LDLRAD1: variants seen among roughly 807,000 people sequenced by gnomAD.
The protein encoded by LDLRAD1 is low density lipoprotein receptor class A domain containing 1.
LDLRAD1 carries 17 observed loss-of-function variants against 24.8 expected under a neutral mutation model. That is an observed-to-expected ratio of 0.69 (90% CI 0.47 to 1.03). The LOEUF (loss-of-function observed/expected upper bound fraction) is 1.03, where lower values mean the gene tolerates loss of function less well. Among genes scored for constraint, LDLRAD1 ranks in the 50% least tolerant of loss-of-function variants. The pLI is 0.00. For missense variants in LDLRAD1, 277 were observed against 271.0 expected, an observed-to-expected ratio of 1.02 and a Z score of -0.16; for synonymous variants, 103 against 108.2, an observed-to-expected ratio of 0.95 and a Z score of 0.30.
At chr1:54,010,633 C>T (rs940388236) in intron 4 of LDLRAD1, among the ~76,000 whole-genome samples, 4 of 152,086 alleles carry the variant, frequency 2.6e-5, no homozygotes, top group Non-Finnish European at 5.9e-5. Flanking sequence ...CCCTCCCTTC[C>T]TCAGTTCCTC....
chr1:54,015,776 C>T lies in LDLRAD1; in HGVS notation c.74-1412G>A, dbSNP rs938860155. On this transcript the variant is annotated intron_variant, in intron 2 of 5. Coordinates refer to ENST00000371360, the MANE Select transcript of LDLRAD1 (RefSeq NM_001010978.4). ...GTTCAAGCGATTCTCCTGCCTCAGC[C>T]TCCCGAGTAGCTGGGATGACAGGCG... Among the ~76,000 whole-genome samples, 6 of 152,086 alleles carry T rather than the reference C, an allele frequency of 3.9e-5. No individual in the cohort carries two copies. The South Asian group carries it at 6.2e-4, about 16-fold the overall frequency.
intron 4 of LDLRAD1, among the ~76,000 whole-genome samples, chr1:54,011,532 C>T (rs1479523488): frequency 6.6e-6 from 1 of 152,120 alleles, no homozygotes; most frequent in Non-Finnish European, 1.5e-5. Context: ...AGCTCCCCCA[C>T]CCCACCCACT....
chr1:54,014,337 C>A lies in LDLRAD1; in HGVS notation c.101G>T (p.Arg34Leu). ...EAGGGHLCCS[R>L]RGACLSASLL... ...AGAGGCAGAGAGGCAGGCCCCGCGA[C>A]GTGAGCAGCAGAGGTGGCCGCCGCC... The change falls in exon 3 of 6, where the codon CGT (arginine) becomes CTT (leucine). Residue 34 changes from arginine (R) to leucine (L), a missense_variant. Transcript: ENST00000371360. 1.9e-6 allele frequency: 3 copies of A among 1,548,498 alleles called. No individual in the cohort carries two copies. The highest frequency in any genetic ancestry group is 2.4e-5 in the South Asian group (2 of 83,946).
At chr1:54,017,847 A>C (rs1656377446) in intron 1 of LDLRAD1, among the ~76,000 whole-genome samples, 1 of 152,004 alleles carries the variant, frequency 6.6e-6, no homozygotes, top group Non-Finnish European at 1.5e-5. Context: ...CCTGGGAGTG[A>C]GCCCCGGGGC....
rs138648833 is a variant in LDLRAD1 at position 54,012,523 on chromosome 1, G to A, written c.203-243C>T. Among the ~76,000 whole-genome samples the A allele has an allele frequency of 6.1e-4, 93 of 152,298 alleles. 1 individual carries two copies. The highest frequency in any genetic ancestry group is 9.9e-4 in the Non-Finnish European group (67 of 68,010). On this transcript the variant is annotated intron_variant, in intron 3 of 5. Coordinates refer to ENST00000371360, the MANE Select transcript of LDLRAD1 (RefSeq NM_001010978.4). ...ACATGGGAATCATAGCACACACCCC[G>A]TGGGACTGTTGTGGGGATTAAATGA...
intron 3 of LDLRAD1, among the ~76,000 whole-genome samples, chr1:54,013,335 C>T (rs1656142716): frequency 6.6e-6 from 1 of 152,144 alleles, no homozygotes; most frequent in Non-Finnish European, 1.5e-5. Context: ...TGTGTTCCTG[C>T]AGGGCAGGGG....
At chr1:54,013,740 T>C (rs1195163907) in intron 3 of LDLRAD1, among the ~76,000 whole-genome samples, 1 of 152,152 alleles carries the variant, frequency 6.6e-6, no homozygotes, top group Admixed American at 6.5e-5. Context: ...CCCGCTGTAA[T>C]GTGTATTCAC....
chr1:54,016,111 G>A (rs1656294204), intron 2 of LDLRAD1, among the ~76,000 whole-genome samples: 1 of 152,174 alleles, frequency 6.6e-6, no homozygotes, highest in Non-Finnish European at 1.5e-5. Flanking sequence ...CAGGTAAGGG[G>A]AGGGTGCAAA....
chr1:54,014,704 G>A (rs550012057), intron 2 of LDLRAD1, among the ~76,000 whole-genome samples: 2 of 152,016 alleles, frequency 1.3e-5, no homozygotes, highest in South Asian at 4.2e-4. Context: ...TGGGGCAGAA[G>A]CTCCATTAGG....
rs1557660482 is a variant in LDLRAD1 at position 54,009,054 on chromosome 1, CG to C, written c.545del (p.Pro182ArgfsTer40). Reference protein sequence around the residue: ...STFFKYCDCIPRHLCRDHVQH... With the variant: ...STFFKYCDCIXRHLCRDHVQH... ...GTACATGGTCGCGGCAGAGATGCCTCGGTATACAGTCGCAGTACTTGAAGAA... is the reference window on the plus strand; with the variant it reads ...GTACATGGTCGCGGCAGAGATGCCTCGTATACAGTCGCAGTACTTGAAGAA... On this transcript the variant is annotated frameshift_variant, in exon 6 of 6. Transcript: ENST00000371360. LOFTEE classifies it high-confidence loss of function. The C allele has an allele frequency of 6.2e-7, 1 of 1,613,956 alleles. No homozygotes were observed. Among genetic ancestry groups the C allele is most frequent in the South Asian group, 1.1e-5 (1 of 91,068 alleles).
chr1:54,009,093 G>A lies in LDLRAD1; in HGVS notation c.507C>T (p.Arg169=), dbSNP rs1304175759. Residue 169 remains arginine, a synonymous_variant, in exon 6 of 6, where the codon CGC becomes CGT. Transcript: ENST00000371360. ...AGTACTTGAAGAAGGTTGAAGGACA[G>A]CGCCACCACCCAGGGCCGCAGGGTG... ...VCPPCGPGWW[R]CPSTFFKYCD... 1.2e-6 allele frequency: 2 copies of A among 1,613,870 alleles called. No individual in the cohort carries two copies. The highest frequency in any genetic ancestry group is 1.7e-6 in the Non-Finnish European group (2 of 1,179,980).
intron 1 of LDLRAD1, 63 bp downstream of exon 1, chr1:54,018,029 G>T (rs897233248): frequency 2.1e-6 from 3 of 1,422,288 alleles, no homozygotes; most frequent in East Asian, 4.6e-5. Flanking sequence ...CTCACCTGGG[G>T]ACAGCTCTCA....
chr1:54,014,714 G>A (rs936274214), intron 2 of LDLRAD1, among the ~76,000 whole-genome samples: 11 of 152,218 alleles, frequency 7.2e-5, no homozygotes, highest in African/African-American at 1.4e-4. Flanking sequence ...GCTCCATTAG[G>A]CCCTTCATAA....
In LDLRAD1 at chr1:54,008,772, C is replaced by T; in HGVS notation, c.*210G>A. On this transcript the variant is annotated 3_prime_UTR_variant, in exon 6 of 6. Coordinates refer to ENST00000371360, the MANE Select transcript of LDLRAD1 (RefSeq NM_001010978.4). ...ACCACATCATCTTTGTTAGAAGCCA[C>T]CTAACATGGTAATGAGCTCCTGGTC... is the stretch of plus-strand genomic sequence containing the variant. 1 of 505,866 alleles carries T rather than the reference C, an allele frequency of 2.0e-6. No individual in the cohort carries two copies. Among genetic ancestry groups the T allele is most frequent in the South Asian group, 2.9e-5 (1 of 34,348 alleles). 31.3% of individuals were successfully genotyped at this position (505,866 alleles called of 1,614,324 possible).
At chr1:54,009,397 G>A (rs1003074824) in intron 5 of LDLRAD1, among the ~76,000 whole-genome samples, 3 of 152,272 alleles carry the variant, frequency 2.0e-5, no homozygotes, top group African/African-American at 7.2e-5. Flanking sequence ...CAAAGTCCCA[G>A]GCACACGGTA....
intron 4 of LDLRAD1, among the ~76,000 whole-genome samples, chr1:54,011,233 C>CA (rs1656036603): frequency 6.6e-6 from 1 of 152,162 alleles, no homozygotes; most frequent in Non-Finnish European, 1.5e-5. Context: ...GCACCACCAT[C>CA]ATGGCAGAAA....
chr1:54,014,166 C>G, intron 3 of LDLRAD1, 70 bp downstream of exon 3: 1 of 1,529,172 alleles, frequency 6.5e-7, no homozygotes, highest in Admixed American at 2.0e-5. Context: ...GGTCGGGGCT[C>G]CCTCATCTCT....
chr1:54,008,900 T>TATCAGTAAAAAA lies in LDLRAD1; in HGVS notation c.*81_*82insTTTTTTACTGAT. 8.4e-7 allele frequency: 1 copy of TATCAGTAAAAAA among 1,191,230 alleles called. No homozygotes were observed. Among genetic ancestry groups the TATCAGTAAAAAA allele is most frequent in the Non-Finnish European group, 1.1e-6 (1 of 892,126 alleles). The allele number at this position is 1,191,230 out of a possible 1,614,324, so 73.8% of individuals were successfully genotyped here. A position where few individuals can be genotyped will look rare whatever the true frequency, so the allele number is the denominator to read the frequency against. On this transcript the variant is annotated 3_prime_UTR_variant, in exon 6 of 6. Coordinates refer to ENST00000371360, the MANE Select transcript of LDLRAD1 (RefSeq NM_001010978.4). Reference sequence around the variant, plus strand: ...CCATTTCAAAGGCTGCTTCCTGCCCTTGTGCGCTAGGATTTGATTTTCATG... The same window carrying TATCAGTAAAAAA: ...CCATTTCAAAGGCTGCTTCCTGCCCTATCAGTAAAAAATGTGCGCTAGGATTTGATTTTCATG...
At chr1:54,016,066 C>T (rs542742844) in intron 2 of LDLRAD1, among the ~76,000 whole-genome samples, 43 of 152,250 alleles carry the variant, frequency 2.8e-4, no homozygotes, top group African/African-American at 8.7e-4. Context: ...ATTTCTGATG[C>T]AGTGTCCTCA....
Sources: allele counts gnomAD v4.1 joint callset (sites outside exome capture counted in the v4.1 genomes callset), GRCh38; gene constraint gnomAD v4.1.1; transcripts MANE v1.5; gene names NCBI Gene and HGNC (gene_info 2026-07-23, HGNC 2026-07-21).